Variants in SLC23A2 observed in about 807,000 individuals in gnomAD.
SLC23A2 encodes the protein solute carrier family 23 member 2, also known as Na(+)/L-ascorbic acid transporter 2.
A neutral mutation model predicts 73.3 loss-of-function variants in SLC23A2; 36 were observed. The observed-to-expected ratio is 0.49, with a 90% CI of 0.38 to 0.65. SLC23A2 has a LOEUF of 0.65. SLC23A2 is among the 30% of genes least tolerant of loss of function. The probability of loss-of-function intolerance (pLI) is 0.00; values close to 1 mark genes in which losing one functional copy is unlikely to be tolerated. For synonymous variants in SLC23A2, 343 were observed against 327.3 expected, an observed-to-expected ratio of 1.05 and a Z score of -0.52; for missense variants, 507 against 841.6, an observed-to-expected ratio of 0.60 and a Z score of 4.92.
At chr20:4,987,717 G>A (rs1052703936) in intron 1 of SLC23A2, among the ~76,000 whole-genome samples, 82 of 151,992 alleles carry the variant, frequency 5.4e-4, no homozygotes, top group East Asian at 3.9e-4. Context: ...GCGTGGTAGC[G>A]GGCGCCTGTA....
chr20:4,909,989 C>T (rs1301500469), intron 4 of SLC23A2, among the ~76,000 whole-genome samples: 3 of 152,202 alleles, frequency 2.0e-5, no homozygotes, highest in Non-Finnish European at 2.9e-5. Context: ...CCCAGTGGCA[C>T]ACAGGGCAGC....
At chr20:4,939,365 G>C (rs533953266) in intron 2 of SLC23A2, among the ~76,000 whole-genome samples, 1 of 152,286 alleles carries the variant, frequency 6.6e-6, no homozygotes, top group East Asian at 1.9e-4. Context: ...TCAGGAACAA[G>C]TCGGGGGTGT....
intron 2 of SLC23A2, among the ~76,000 whole-genome samples, chr20:4,940,223 A>G (rs1776982): frequency 0.18 from 27,534 of 152,052 alleles, 4,900 homozygotes; most frequent in African/African-American, 0.47. Flanking sequence ...GGAGGCTGAG[A>G]TGGATCACTT....
chr20:5,008,012 C>T (rs920735670), intron 1 of SLC23A2, among the ~76,000 whole-genome samples: 1 of 151,844 alleles, frequency 6.6e-6, no homozygotes, highest in Non-Finnish European at 1.5e-5. Context: ...TGGGTTCAGG[C>T]GATTCTCCTG....
At chr20:4,971,299 A>AACACACACACACACACAC (rs35758430) in intron 1 of SLC23A2, among the ~76,000 whole-genome samples, 10 of 142,518 alleles carry the variant, frequency 7.0e-5, no homozygotes, top group African/African-American at 2.4e-4. Context: ...GTCTCTACAA[A>AACACACACACACACACAC]ACACACACAC....
chr20:4,977,763 T>G (rs892420471), intron 1 of SLC23A2, among the ~76,000 whole-genome samples: 3 of 151,650 alleles, frequency 2.0e-5, no homozygotes, highest in Admixed American at 6.6e-5. Flanking sequence ...GGTCTCGAAC[T>G]CCTGAGCTCA....
At chr20:4,894,766 C>T (rs1455310984) in intron 6 of SLC23A2, among the ~76,000 whole-genome samples, 1 of 152,250 alleles carries the variant, frequency 6.6e-6, no homozygotes, top group Admixed American at 6.5e-5. Context: ...CAAAGACACA[C>T]ATCTGTTTCA....
intron 2 of SLC23A2, among the ~76,000 whole-genome samples, chr20:4,966,753 A>G (rs2087480813): frequency 6.6e-6 from 1 of 151,554 alleles, no homozygotes; most frequent in African/African-American, 2.4e-5. Context: ...TTCAGTGCAC[A>G]CAACCAGGGT....
intron 2 of SLC23A2, among the ~76,000 whole-genome samples, chr20:4,936,670 C>A (rs1156410820): frequency 6.6e-6 from 1 of 152,180 alleles, no homozygotes; most frequent in African/African-American, 2.4e-5. Context: ...ACATGAACAT[C>A]CACTGCAGCA....
intron 5 of SLC23A2, among the ~76,000 whole-genome samples, chr20:4,900,300 T>C (rs919512637): frequency 1.3e-5 from 2 of 152,264 alleles, no homozygotes; most frequent in African/African-American, 4.8e-5. Context: ...ACTTATGTAA[T>C]TCTTATTAGA....
chr20:4,928,819 G>A (rs999380762), intron 3 of SLC23A2, among the ~76,000 whole-genome samples: 3 of 152,094 alleles, frequency 2.0e-5, no homozygotes, highest in Admixed American at 6.5e-5. Flanking sequence ...CTCTCACAGG[G>A]ACTCCTACTT....
rs1211111755 is a variant in SLC23A2, at chr20:4,938,333, TC to T, written c.-154-5618del. ...GCACCTGTAATCCAGACTCATTCCA[TC>T]TTTTTTTTTTTTTTTTTTTTTGAGA... On this transcript the variant is annotated intron_variant, in intron 2 of 16. Coordinates refer to ENST00000338244, the MANE Select transcript of SLC23A2 (RefSeq NM_005116.6). 2.8e-3 allele frequency among the ~76,000 whole-genome samples: 404 copies of T among 142,514 alleles called. 2 individuals are homozygous for T. The highest frequency in any genetic ancestry group is 0.01 in the African/African-American group (383 of 37,180). 93.5% of individuals were successfully genotyped at this position (142,514 alleles called of 152,430 possible).
intron 2 of SLC23A2, among the ~76,000 whole-genome samples, chr20:4,945,558 A>G (rs1281773902): frequency 6.6e-6 from 1 of 152,220 alleles, no homozygotes; most frequent in Non-Finnish European, 1.5e-5. Flanking sequence ...TGCTGGGATC[A>G]CAGGCATGAG....
chr20:4,955,595 C>G (rs1279505297), intron 2 of SLC23A2, among the ~76,000 whole-genome samples: 1 of 151,928 alleles, frequency 6.6e-6, no homozygotes, highest in African/African-American at 2.4e-5. Flanking sequence ...TCGAGACCAG[C>G]CTGGGAAACA....
chr20:4,935,579 A>G (rs1382790241), intron 2 of SLC23A2, among the ~76,000 whole-genome samples: 1 of 152,188 alleles, frequency 6.6e-6, no homozygotes, highest in Non-Finnish European at 1.5e-5. Flanking sequence ...CAGGCGGATC[A>G]CGAGGTCAGG....
intron 1 of SLC23A2, among the ~76,000 whole-genome samples, chr20:5,009,281 G>C (rs1239190668): frequency 6.6e-6 from 1 of 151,954 alleles, no homozygotes; most frequent in Non-Finnish European, 1.5e-5. Context: ...GGAGAGTGTG[G>C]CTATGTCCAT....
rs1182051885 is a variant in SLC23A2, at chr20:4,868,870, A to G, written c.1251-995T>C. On this transcript the variant is annotated intron_variant, in intron 12 of 16. Coordinates refer to ENST00000338244, the MANE Select transcript of SLC23A2 (RefSeq NM_005116.6). This position sits in a 1 kb window ranked among gnomAD's most constrained non-coding sequence, Gnocchi z 4.4. ...AAGCTAATCATAAACCCCATAGTTC[A>G]TAAGCCCTAGATCCCACAGATTTCA... 3 of 152,254 alleles carry G rather than the reference A, an allele frequency of 2.0e-5. No homozygotes were observed. The highest frequency in any genetic ancestry group is 6.5e-5 in the Admixed American group (1 of 15,286). 9.4% of individuals were successfully genotyped at this position (152,254 alleles called of 1,614,324 possible).
chr20:4,923,777 T>C (rs1477082244), intron 3 of SLC23A2, among the ~76,000 whole-genome samples: 3 of 152,170 alleles, frequency 2.0e-5, no homozygotes. Context: ...CAAGGACATG[T>C]TCTGGGCTTC....
chr20:4,950,985 C>T (rs1274098196), intron 2 of SLC23A2, among the ~76,000 whole-genome samples: 6 of 152,126 alleles, frequency 3.9e-5, no homozygotes, highest in Non-Finnish European at 8.8e-5. Context: ...GAGCCAGGTG[C>T]TTCAACTGCT....
Sources: gnomAD v4.1 joint callset for allele counts (sites outside exome capture counted in the v4.1 genomes callset) on GRCh38, gnomAD v4.1.1 for gene constraint, Gnocchi (gnomAD v3.1) non-coding constraint, MANE v1.5 for transcripts, NCBI Gene and HGNC (gene_info 2026-07-23, HGNC 2026-07-21) for gene names.